Variants in GPC5 observed in about 807,000 individuals in gnomAD.
The protein encoded by GPC5 is glypican 5.
GPC5 carries 47 observed loss-of-function variants against 53.9 expected under a neutral mutation model. The observed-to-expected ratio is 0.87, with a 90% confidence interval of 0.69 to 1.11. The LOEUF (loss-of-function observed/expected upper bound fraction) is 1.11, where lower values mean the gene tolerates loss of function less well. Ranked by LOEUF, GPC5 falls within the 50% of genes most tolerant of loss-of-function variation. The probability of loss-of-function intolerance (pLI) is 0.00; values close to 1 mark genes in which losing one functional copy is unlikely to be tolerated. For synonymous variants in GPC5, 286 were observed against 263.3 expected (o/e 1.09, Z -0.84); for missense variants, 748 against 713.1 (o/e 1.05, Z -0.56).
intron 6 of GPC5, among the ~76,000 whole-genome samples, chr13:91,971,871 G>A (rs9589385): frequency 0.085 from 12,885 of 152,092 alleles, 1,870 homozygotes; most frequent in African/African-American, 0.29. Context: ...TTGCTGAGGA[G>A]TGCTTTACTT....
At position 92,387,994 on chromosome 13, in the gene GPC5, T is replaced by C. The variant is rs188543348; in HGVS notation, c.1561+243005T>C. On this transcript the variant is annotated intron_variant, in intron 7 of 7. Coordinates refer to ENST00000377067, the MANE Select transcript of GPC5 (RefSeq NM_004466.6). ...TTTTATAATTTATGTGGTTCTGCTC[T>C]AAATTTTTCATACTTATTGATGATT... 4.5e-4 allele frequency among the ~76,000 whole-genome samples: 69 copies of C among 152,272 alleles called. No individual in the cohort carries two copies. The South Asian group carries it at 0.014, about 30-fold the overall frequency.
chr13:92,588,780 G>A (rs1341006090), intron 7 of GPC5, among the ~76,000 whole-genome samples: 2 of 152,056 alleles, frequency 1.3e-5, no homozygotes, highest in Non-Finnish European at 2.9e-5. Flanking sequence ...AAATTGTCCC[G>A]GTCCCTGATA....
chr13:92,177,230 C>T (rs916357010), intron 7 of GPC5, among the ~76,000 whole-genome samples: 3 of 152,158 alleles, frequency 2.0e-5, no homozygotes, highest in Non-Finnish European at 4.4e-5. Context: ...TTTTCTAGCC[C>T]CTTAAGCCAG....
chr13:92,447,632 T>C (rs945098581), intron 7 of GPC5: 1 of 152,162 alleles, frequency 6.6e-6, no homozygotes, highest in African/African-American at 2.4e-5. Flanking sequence ...TCATATGCTT[T>C]TGAAAGTAAA....
intron 6 of GPC5, among the ~76,000 whole-genome samples, chr13:92,011,240 T>C (rs1185963978): frequency 6.6e-6 from 1 of 152,182 alleles, no homozygotes; most frequent in African/African-American, 2.4e-5. Context: ...TCTTCTCCTT[T>C]CCATCCTCTA....
At chr13:91,480,068 T>C (rs1378355616) in intron 2 of GPC5, among the ~76,000 whole-genome samples, 1 of 152,212 alleles carries the variant, frequency 6.6e-6, no homozygotes, top group East Asian at 1.9e-4. Flanking sequence ...TCTGTGCTTT[T>C]GTTGGGTGTA....
intron 7 of GPC5, among the ~76,000 whole-genome samples, chr13:92,510,849 C>T (rs1304240358): frequency 1.3e-5 from 2 of 152,174 alleles, no homozygotes; most frequent in Non-Finnish European, 2.9e-5. Flanking sequence ...ATCAATCAGT[C>T]CATGGCTTGT....
chr13:92,285,431 A>G (rs1207558978), intron 7 of GPC5, among the ~76,000 whole-genome samples: 1 of 152,214 alleles, frequency 6.6e-6, no homozygotes. Flanking sequence ...CCACATTGCC[A>G]ACTCAATCCT....
At chr13:92,402,349 C>A (rs1875596884) in intron 7 of GPC5, among the ~76,000 whole-genome samples, 1 of 152,090 alleles carries the variant, frequency 6.6e-6, no homozygotes, top group African/African-American at 2.4e-5. Context: ...GACATAGAAC[C>A]TTTTTTTCTC....
chr13:92,474,224 T>C (rs993939808), intron 7 of GPC5, among the ~76,000 whole-genome samples: 11 of 151,966 alleles, frequency 7.2e-5, no homozygotes, highest in Admixed American at 3.3e-4. Context: ...ACAAAACCCA[T>C]TGCACCATTT....
At chr13:91,704,864 A>T (rs922355070) in intron 3 of GPC5, among the ~76,000 whole-genome samples, 19 of 152,242 alleles carry the variant, frequency 1.2e-4, no homozygotes, top group African/African-American at 4.6e-4. Flanking sequence ...ATTCTTGGTC[A>T]ATAGTTGAGA....
At chr13:92,012,758 A>T (rs1233903517) in intron 6 of GPC5, among the ~76,000 whole-genome samples, 1 of 152,234 alleles carries the variant, frequency 6.6e-6, no homozygotes, top group Non-Finnish European at 1.5e-5. Flanking sequence ...TTTACATTTT[A>T]TTATAAAATA....
chr13:92,668,449 A>C (rs1214541065), intron 7 of GPC5, among the ~76,000 whole-genome samples: 1 of 152,184 alleles, frequency 6.6e-6, no homozygotes, highest in East Asian at 1.9e-4. Flanking sequence ...TTCAGTTGGA[A>C]TATCACATTC....
At chr13:92,109,061 G>GTTT (rs35762919) in intron 6 of GPC5, among the ~76,000 whole-genome samples, 943 of 87,396 alleles carry the variant, frequency 0.011, 7 homozygotes, top group East Asian at 0.022. Flanking sequence ...CAATATGTTG[G>GTTT]TTTTTTTTTT....
At position 92,581,871 on chromosome 13, in the gene GPC5, G is replaced by A. The variant is rs192398441; in HGVS notation, c.1562-284411G>A. The stretch of plus-strand genomic sequence containing the variant: ...ATTTTTATGACTTCTTTTGAGAAAC[G>A]TCTATTCATATCTTTTGCCTAATTT... On this transcript the variant is annotated intron_variant, in intron 7 of 7. Coordinates refer to ENST00000377067, the MANE Select transcript of GPC5 (RefSeq NM_004466.6). Among the ~76,000 whole-genome samples, 200 of 152,074 alleles carry A rather than the reference G, an allele frequency of 1.3e-3. 1 individual carries two copies. The highest frequency in any genetic ancestry group is 4.4e-3 in the African/African-American group (183 of 41,520).
At chr13:91,639,753 G>T (rs996249817) in intron 2 of GPC5, among the ~76,000 whole-genome samples, 1 of 152,260 alleles carries the variant, frequency 6.6e-6, no homozygotes, top group Non-Finnish European at 1.5e-5. Flanking sequence ...TCTTCATTGT[G>T]TTCCTATTCA....
At chr13:91,438,273 T>C (rs1880140766) in intron 1 of GPC5, among the ~76,000 whole-genome samples, 1 of 152,198 alleles carries the variant, frequency 6.6e-6, no homozygotes, top group African/African-American at 2.4e-5. Flanking sequence ...TGCTCTGTTT[T>C]TTCCCCATCT....
At chr13:92,399,930 T>C (rs1024524279) in intron 7 of GPC5, among the ~76,000 whole-genome samples, 1 of 152,168 alleles carries the variant, frequency 6.6e-6, no homozygotes, top group Admixed American at 6.5e-5. Context: ...TAGTGGGTAG[T>C]AGGAAATTAT....
intron 7 of GPC5, among the ~76,000 whole-genome samples, chr13:92,157,363 C>G (rs920200161): frequency 5.3e-5 from 8 of 152,070 alleles, no homozygotes; most frequent in African/African-American, 1.7e-4. Flanking sequence ...AGTATTTGGC[C>G]GGTCTTAGGA....
Sources: allele counts gnomAD v4.1 joint callset (sites outside exome capture counted in the v4.1 genomes callset), GRCh38; gene constraint gnomAD v4.1.1; transcripts MANE v1.5; gene names NCBI Gene and HGNC (gene_info 2026-07-23, HGNC 2026-07-21).